EML4: variants seen among roughly 807,000 people sequenced by gnomAD.
EML4 encodes the protein echinoderm microtubule-associated protein-like 4.
EML4 carries 72 observed loss-of-function variants against 129.0 expected under a neutral mutation model. The ratio of observed to expected loss-of-function variants is 0.56; its 90% confidence interval spans 0.46 to 0.68. The LOEUF (loss-of-function observed/expected upper bound fraction) is 0.68, where lower values mean the gene tolerates loss of function less well. Among genes scored for constraint, EML4 ranks in the 30% least tolerant of loss-of-function variants. The pLI, the probability that EML4 is intolerant of heterozygous loss-of-function variation, is 0.00. For synonymous variants in EML4, 532 were observed against 405.0 expected (o/e 1.31, Z -3.77); for missense variants, 1,363 against 1,190.6 (o/e 1.14, Z -2.13).
chr2:42,187,229 T>C (rs1038434181), intron 1 of EML4, among the ~76,000 whole-genome samples: 3 of 151,784 alleles, frequency 2.0e-5, no homozygotes, highest in African/African-American at 7.3e-5. Context: ...TTTAATTTTT[T>C]GTAGAAATGG....
intron 16 of EML4, 151 bp from the exon 17 acceptor site, chr2:42,304,333 C>T: frequency 1.6e-6 from 1 of 613,390 alleles, no homozygotes; most frequent in Non-Finnish European, 2.9e-6. Flanking sequence ...ATTCTTTTTC[C>T]TCTCATATCT....
chr2:42,285,435 G>A (rs1218039982), intron 9 of EML4, among the ~76,000 whole-genome samples: 1 of 152,074 alleles, frequency 6.6e-6, no homozygotes, highest in Non-Finnish European at 1.5e-5. Context: ...TAACTTCTAA[G>A]ACCCCTTCCA....
intron 11 of EML4, among the ~76,000 whole-genome samples, chr2:42,292,524 A>G (rs978969891): frequency 3.9e-5 from 6 of 152,248 alleles, no homozygotes; most frequent in Non-Finnish European, 8.8e-5. Flanking sequence ...GACATGAAGG[A>G]ATGCATTGTG....
At chr2:42,183,979 C>G (rs1338086159) in intron 1 of EML4, among the ~76,000 whole-genome samples, 1 of 152,238 alleles carries the variant, frequency 6.6e-6, no homozygotes, top group Non-Finnish European at 1.5e-5. Context: ...TTCTGGCCCT[C>G]TTTCTTTCCG....
chr2:42,211,664 TTTC>T (rs1672893626), intron 1 of EML4, among the ~76,000 whole-genome samples: 1 of 152,174 alleles, frequency 6.6e-6, no homozygotes, highest in Admixed American at 6.5e-5. Flanking sequence ...GGTTTCATAC[TTTC>T]TTATTGAAAC....
At chr2:42,275,220 A>G (rs1666590267) in intron 6 of EML4, among the ~76,000 whole-genome samples, 2 of 152,240 alleles carry the variant, frequency 1.3e-5, no homozygotes, top group Non-Finnish European at 2.9e-5. Context: ...ATGTGTGATC[A>G]GTATAAAAAA....
chr2:42,329,630 T>C lies in EML4; in HGVS notation c.2473-104T>C, dbSNP rs28364746. The C allele has an allele frequency of 3.0e-4, 264 of 881,984 alleles. 2 individuals are homozygous for C. The East Asian group carries it at 6.4e-3, about 22-fold the overall frequency. 54.6% of individuals were successfully genotyped at this position (881,984 alleles called of 1,614,324 possible). A position where few individuals can be genotyped will look rare whatever the true frequency, so the allele number is the denominator to read the frequency against. On this transcript the variant is annotated intron_variant, in intron 22 of 22. Transcript: ENST00000318522. ...TTCTGGCTTTAAATTGGATTGCCCA[T>C]TTCACAAGCTGAGTTTACCCCCCTT...
chr2:42,313,495 C>CTAAG (rs1669072559), intron 17 of EML4, among the ~76,000 whole-genome samples: 1 of 151,992 alleles, frequency 6.6e-6, no homozygotes, highest in African/African-American at 2.4e-5. Context: ...CTTGAATGCA[C>CTAAG]TAAGCCACGT....
chr2:42,229,215 G>A (rs1191667727), intron 1 of EML4, among the ~76,000 whole-genome samples: 4 of 151,990 alleles, frequency 2.6e-5, no homozygotes, highest in African/African-American at 7.3e-5. Flanking sequence ...TTCACTATTT[G>A]TTGTTTTTAC....
chr2:42,301,517 C>A, intron 14 of EML4, 125 bp downstream of exon 14: 2 of 733,172 alleles, frequency 2.7e-6, no homozygotes, highest in South Asian at 3.2e-5. Context: ...TTCCTTTCCT[C>A]AAGAAAGGAG....
intron 1 of EML4, among the ~76,000 whole-genome samples, chr2:42,182,108 C>A (rs1405472170): frequency 2.0e-5 from 3 of 148,552 alleles, no homozygotes; most frequent in African/African-American, 4.9e-5. Context: ...TAATCAATCT[C>A]CTGTCTCCAC....
chr2:42,274,511 C>A (rs2104437355), intron 6 of EML4, among the ~76,000 whole-genome samples: 1 of 152,266 alleles, frequency 6.6e-6, no homozygotes, highest in African/African-American at 2.4e-5. Context: ...AGCAACTGAT[C>A]TTGGAATGGA....
rs117184245 is a variant in EML4 at position 42,316,284 on chromosome 2, A to T, written c.2056+234A>T. ...TTTAAAATGGACAGCTGCATTTGCA[A>T]TTGAAAGCAGAATAAAGTGCAGTCA... On this transcript the variant is annotated intron_variant, in intron 18 of 22. Coordinates refer to ENST00000318522, the MANE Select transcript of EML4 (RefSeq NM_019063.5). 1.2e-3 allele frequency among the ~76,000 whole-genome samples: 187 copies of T among 152,346 alleles called. 5 individuals are homozygous for T. In the East Asian group the frequency reaches 0.019, roughly 15 times the overall value.
intron 2 of EML4, among the ~76,000 whole-genome samples, chr2:42,250,043 C>G (rs1675663522): frequency 6.6e-6 from 1 of 152,146 alleles, no homozygotes; most frequent in African/African-American, 2.4e-5. Context: ...TCATTAGGAC[C>G]TCTTGAGGTG....
At chr2:42,298,664 A>G (rs1209031419) in intron 13 of EML4, among the ~76,000 whole-genome samples, 2 of 152,078 alleles carry the variant, frequency 1.3e-5, no homozygotes, top group Admixed American at 6.6e-5. Context: ...TATATAGAGT[A>G]TTTTTATTTC....
rs1305877924 is a variant in EML4 at position 42,245,558 on chromosome 2, CTT to C, written c.80_81del (p.Leu27ArgfsTer10). 6.2e-7 allele frequency: 1 copy of C among 1,613,742 alleles called. No individual in the cohort carries two copies. Among genetic ancestry groups the C allele is most frequent in the African/African-American group, 1.3e-5 (1 of 74,876 alleles). ...TGATGTTCAAGATCGCCTGTCAGCT[CTT>C]GAGTCACGAGTTCAGCAACAAGAAG... is the stretch of plus-strand genomic sequence containing the variant. ...TSDVQDRLSA[L>X]ESRVQQQEDE... On this transcript the variant is annotated frameshift_variant, in exon 2 of 23. Coordinates refer to ENST00000318522, the MANE Select transcript of EML4 (RefSeq NM_019063.5). LOFTEE classifies it high-confidence loss of function.
At chr2:42,196,866 G>C in intron 1 of EML4, among the ~76,000 whole-genome samples, 1 of 152,070 alleles carries the variant, frequency 6.6e-6, no homozygotes, top group Non-Finnish European at 1.5e-5. Flanking sequence ...CCTCCACCCT[G>C]CCCTCTACTG....
At chr2:42,243,785 A>C (rs1675189685) in intron 1 of EML4, among the ~76,000 whole-genome samples, 2 of 152,236 alleles carry the variant, frequency 1.3e-5, no homozygotes, top group African/African-American at 4.8e-5. Context: ...TCCATAATGT[A>C]ATGGTGATAG....
At chr2:42,315,588 A>G (rs757763744) in intron 17 of EML4, among the ~76,000 whole-genome samples, 15 of 152,108 alleles carry the variant, frequency 9.9e-5, no homozygotes, top group Non-Finnish European at 1.9e-4. Flanking sequence ...AAAAAAATAG[A>G]CCTGTCTGGG....
Sources: gnomAD v4.1 joint callset for allele counts (sites outside exome capture counted in the v4.1 genomes callset) on GRCh38, gnomAD v4.1.1 for gene constraint, MANE v1.5 for transcripts, NCBI Gene and HGNC (gene_info 2026-07-23, HGNC 2026-07-21) for gene names.